The following STON2 variants were observed in gnomAD, a reference collection of about 807,000 sequenced individuals.
The protein encoded by STON2 is stonin-2.
Under a neutral mutation model 65.7 loss-of-function variants are expected in STON2, and 29 were observed. The observed-to-expected ratio is 0.44, with a 90% CI of 0.33 to 0.60. The LOEUF is 0.60. Among genes scored for constraint, STON2 ranks in the 20% least tolerant of loss-of-function variants. The pLI is 0.03. For synonymous variants in STON2, 404 were observed against 414.2 expected (o/e 0.98, Z 0.30); for missense variants, 1,054 against 1,118.1 (o/e 0.94, Z 0.82).
chr14:81,354,350 C>T (rs149285895), intron 4 of STON2, among the ~76,000 whole-genome samples: 2,073 of 152,260 alleles, frequency 0.014, 19 homozygotes, highest in Middle Eastern at 0.031. Context: ...GCTGTCCTAT[C>T]GGAATCACTA....
intron 2 of STON2, among the ~76,000 whole-genome samples, chr14:81,416,706 C>T (rs1901454005): frequency 6.6e-6 from 1 of 152,190 alleles, no homozygotes; most frequent in African/African-American, 2.4e-5. Context: ...TCATCTGGGC[C>T]ATTTCAGTCA....
intron 2 of STON2, 74 bp from the exon 3 acceptor site, chr14:81,396,252 T>A: frequency 6.8e-7 from 1 of 1,469,324 alleles, no homozygotes; most frequent in Non-Finnish European, 9.1e-7. Context: ...AGGCAAAAAC[T>A]AAGGATGACC....
intron 4 of STON2, among the ~76,000 whole-genome samples, chr14:81,365,195 C>G (rs1430588061): frequency 1.3e-5 from 2 of 152,198 alleles, no homozygotes; most frequent in African/African-American, 4.8e-5. Context: ...ACTGGACTCT[C>G]TTCCCTGTAT....
At chr14:81,275,892 A>G (rs2140114019) in intron 6 of STON2, among the ~76,000 whole-genome samples, 1 of 152,340 alleles carries the variant, frequency 6.6e-6, no homozygotes, top group South Asian at 2.1e-4. Context: ...GCTACGATTT[A>G]TAGTGAGAAT....
At chr14:81,410,047 C>G (rs1402968921) in intron 2 of STON2, among the ~76,000 whole-genome samples, 1 of 151,884 alleles carries the variant, frequency 6.6e-6, no homozygotes, top group East Asian at 1.9e-4. Context: ...AGCTCTGATC[C>G]TTCTTATTTT....
chr14:81,423,904 G>A (rs573050620), intron 2 of STON2, among the ~76,000 whole-genome samples: 11 of 152,334 alleles, frequency 7.2e-5, no homozygotes, highest in South Asian at 4.1e-4. Flanking sequence ...GGCACAGTGC[G>A]AGAGTCGATG....
At chr14:81,313,772 A>T (rs1896517317) in intron 5 of STON2, among the ~76,000 whole-genome samples, 1 of 149,590 alleles carries the variant, frequency 6.7e-6, no homozygotes, top group South Asian at 2.1e-4. Flanking sequence ...TCCAGCCTCA[A>T]TGACAAAGAG....
chr14:81,410,261 A>C (rs1230768891), intron 2 of STON2, among the ~76,000 whole-genome samples: 2 of 135,348 alleles, frequency 1.5e-5, no homozygotes. Flanking sequence ...ATGCATGCAG[A>C]TGAATGTAAC....
chr14:81,396,150 C>T lies in STON2; in HGVS notation c.117G>A (p.Leu39=), dbSNP rs1290526903. The change falls in exon 3 of 8, where the codon CTG becomes CTA. Residue 39 remains leucine (L), a synonymous_variant. Transcript: ENST00000614646. ...QGGTEEHLPG[L]SSSPDQSESS... ...TCTCGGACTGGTCTGGGGAAGATGA[C>T]AGTCCTGGGAGGTGCTCTTCCGTGC... 1 of 1,613,496 alleles carries T rather than the reference C, an allele frequency of 6.2e-7. No individual in the cohort carries two copies. The highest frequency in any genetic ancestry group is 2.2e-5 in the East Asian group (1 of 44,854).
At chr14:81,301,036 C>T (rs983351062) in intron 5 of STON2, among the ~76,000 whole-genome samples, 7 of 152,106 alleles carry the variant, frequency 4.6e-5, no homozygotes, top group East Asian at 1.9e-4. Flanking sequence ...AACAACATGA[C>T]GAATCTCATA....
At chr14:81,429,184 G>A (rs1391587786) in intron 1 of STON2, among the ~76,000 whole-genome samples, 1 of 152,206 alleles carries the variant, frequency 6.6e-6, no homozygotes, top group African/African-American at 2.4e-5. Flanking sequence ...TAAATGACAG[G>A]AGCCCTAGTG....
At chr14:81,293,909 G>T (rs970283231) in intron 5 of STON2, among the ~76,000 whole-genome samples, 2 of 152,164 alleles carry the variant, frequency 1.3e-5, no homozygotes, top group Non-Finnish European at 2.9e-5. Context: ...CAAATGGTGG[G>T]TTTTTTTCTT....
intron 1 of STON2, among the ~76,000 whole-genome samples, chr14:81,432,221 C>T (rs1038413418): frequency 6.6e-6 from 1 of 152,144 alleles, no homozygotes; most frequent in Non-Finnish European, 1.5e-5. Context: ...TTTTATTTCC[C>T]GTGTCACATT....
chr14:81,317,350 A>C (rs1482243859), intron 5 of STON2, among the ~76,000 whole-genome samples: 1 of 152,234 alleles, frequency 6.6e-6, no homozygotes, highest in Non-Finnish European at 1.5e-5. Flanking sequence ...ACATTTCAAC[A>C]TGAGAATTGG....
intron 3 of STON2, among the ~76,000 whole-genome samples, chr14:81,388,907 G>T (rs1364903411): frequency 1.3e-5 from 2 of 152,098 alleles, no homozygotes; most frequent in Non-Finnish European, 2.9e-5. Context: ...GCTAAGTAAG[G>T]TTTCACTTTT....
chr14:81,393,685 T>C (rs1001700225), intron 3 of STON2, among the ~76,000 whole-genome samples: 1 of 152,198 alleles, frequency 6.6e-6, no homozygotes, highest in African/African-American at 2.4e-5. Flanking sequence ...ACTGAGACAA[T>C]AAGTATGCAG....
chr14:81,358,745 A>G lies in STON2; in HGVS notation c.571+12243T>C, dbSNP rs752867511. On this transcript the variant is annotated intron_variant, in intron 4 of 7. Coordinates refer to ENST00000614646, the MANE Select transcript of STON2 (RefSeq NM_001394390.1). Reference sequence around the variant, plus strand: ...AAAGAGAGCTGGGATAGCTATACTTATATCAGGCAAAATAGACCTTCAGTC... The same window carrying G: ...AAAGAGAGCTGGGATAGCTATACTTGTATCAGGCAAAATAGACCTTCAGTC... 4.6e-5 allele frequency among the ~76,000 whole-genome samples: 7 copies of G among 152,188 alleles called. No homozygotes were observed. The East Asian group carries it at 5.8e-4, about 13-fold the overall frequency.
rs1331494198 is a variant in STON2 at position 81,269,647 on chromosome 14, A to G, written c.2784+1023T>C. The G allele has an allele frequency of 3.0e-6, 3 of 985,204 alleles. No homozygotes were observed. In the African/African-American group the frequency reaches 5.2e-5, roughly 17 times the overall value. 61.0% of individuals were successfully genotyped at this position (985,204 alleles called of 1,614,324 possible). A position where few individuals can be genotyped will look rare whatever the true frequency, so the allele number is the denominator to read the frequency against. On this transcript the variant is annotated intron_variant, in intron 7 of 7. Transcript: ENST00000614646. The stretch of plus-strand genomic sequence containing the variant: ...GTTCCTTTTGGTAGTTAAATATTTT[A>G]GCCCACACAGCTAAGGAAACATTTA...
At chr14:81,415,182 T>C (rs1277116720) in intron 2 of STON2, among the ~76,000 whole-genome samples, 1 of 152,158 alleles carries the variant, frequency 6.6e-6, no homozygotes, top group Non-Finnish European at 1.5e-5. Flanking sequence ...TCATGACAGT[T>C]CACTTTTGCC....
Sources: allele counts gnomAD v4.1 joint callset (sites outside exome capture counted in the v4.1 genomes callset), GRCh38; gene constraint gnomAD v4.1.1; transcripts MANE v1.5; gene names NCBI Gene and HGNC (gene_info 2026-07-23, HGNC 2026-07-21).